TMEM132D: variants seen among roughly 807,000 people sequenced by gnomAD.
The protein encoded by TMEM132D is transmembrane protein 132D.
A neutral mutation model predicts 62.3 loss-of-function variants in TMEM132D; 21 were observed. The observed-to-expected ratio is 0.34, with a 90% CI of 0.24 to 0.49. The LOEUF (loss-of-function observed/expected upper bound fraction) is 0.49. Ranked by LOEUF, TMEM132D falls within the 20% of genes least tolerant of loss-of-function variation. The pLI, the probability that TMEM132D is intolerant of heterozygous loss-of-function variation, is 0.99. For missense variants in TMEM132D, 1,346 were observed against 1,402.8 expected, an observed-to-expected ratio of 0.96 and a Z score of 0.65; for synonymous variants, 621 against 575.6, an observed-to-expected ratio of 1.08 and a Z score of -1.13.
At chr12:129,244,385 CAA>C (rs751155633) in intron 4 of TMEM132D, among the ~76,000 whole-genome samples, 24 of 85,230 alleles carry the variant, frequency 2.8e-4, no homozygotes, top group South Asian at 8.7e-4. Context: ...GACTCTGTCT[CAA>C]AAAAAAAAAA....
intron 5 of TMEM132D, among the ~76,000 whole-genome samples, chr12:129,131,118 AT>A (rs961973141): frequency 3.1e-4 from 47 of 152,300 alleles, no homozygotes; most frequent in African/African-American, 1.1e-3. Flanking sequence ...ACTAATGAAA[AT>A]CCTGAAAACC....
At chr12:129,075,732 C>A (rs1874231231) in intron 8 of TMEM132D, among the ~76,000 whole-genome samples, 1 of 152,232 alleles carries the variant, frequency 6.6e-6, no homozygotes, top group Admixed American at 6.5e-5. Flanking sequence ...TCCACCCAAC[C>A]CAACTGGAGG....
At chr12:129,824,562 G>T (rs1565998792) in intron 1 of TMEM132D, among the ~76,000 whole-genome samples, 1 of 152,072 alleles carries the variant, frequency 6.6e-6, no homozygotes, top group Admixed American at 6.5e-5. Flanking sequence ...CCCGGGATGG[G>T]ACTAGTTCCC....
intron 5 of TMEM132D, among the ~76,000 whole-genome samples, chr12:129,200,986 G>C (rs1878689845): frequency 1.3e-5 from 2 of 152,172 alleles, no homozygotes. Flanking sequence ...AATGTGTCAA[G>C]CTTTATACAC....
chr12:129,588,215 C>T (rs1267212435), intron 2 of TMEM132D, among the ~76,000 whole-genome samples: 3 of 152,200 alleles, frequency 2.0e-5, no homozygotes, highest in Non-Finnish European at 4.4e-5. Flanking sequence ...TTCAAAGTTC[C>T]TTTCACTACC....
Position 129,758,469 on chromosome 12 carries a change from T to C in TMEM132D, c.80-57771A>G, listed in dbSNP as rs558392082. 1.3e-4 allele frequency among the ~76,000 whole-genome samples: 20 copies of C among 152,346 alleles called. No individual in the cohort carries two copies. The East Asian group carries it at 1.3e-3, about 10-fold the overall frequency. ...ATTATTAATGTGAACCCTTCTAGCA[T>C]GTTGTCTGTTGTTTTCAACACAAGA... On this transcript the variant is annotated intron_variant, in intron 1 of 8. Coordinates refer to ENST00000422113, the MANE Select transcript of TMEM132D (RefSeq NM_133448.3).
intron 2 of TMEM132D, among the ~76,000 whole-genome samples, chr12:129,548,825 T>C (rs1876811793): frequency 6.6e-6 from 1 of 152,212 alleles, no homozygotes; most frequent in African/African-American, 2.4e-5. Context: ...GAAAGCACAT[T>C]TAAGTATTTC....
At chr12:129,431,087 A>C (rs1424225828) in intron 3 of TMEM132D, among the ~76,000 whole-genome samples, 49 of 152,302 alleles carry the variant, frequency 3.2e-4, no homozygotes. Context: ...CCAGGAATGG[A>C]GAAGAGAGCG....
At chr12:129,677,687 GACA>G (rs140811734) in intron 2 of TMEM132D, among the ~76,000 whole-genome samples, 2,351 of 152,130 alleles carry the variant, frequency 0.015, 70 homozygotes, top group African/African-American at 0.054. Context: ...CAGTTTAAAG[GACA>G]ACAATAAACA....
intron 4 of TMEM132D, among the ~76,000 whole-genome samples, chr12:129,314,050 T>C (rs1406876194): frequency 6.6e-6 from 1 of 152,218 alleles, no homozygotes; most frequent in Non-Finnish European, 1.5e-5. Flanking sequence ...CACTTTTTAA[T>C]GGGATTTTTT....
chr12:129,142,631 C>T (rs557487132), intron 5 of TMEM132D, among the ~76,000 whole-genome samples: 4 of 152,158 alleles, frequency 2.6e-5, no homozygotes, highest in South Asian at 2.1e-4. Context: ...TTATTTGTTG[C>T]GTGACTAACA....
intron 5 of TMEM132D, among the ~76,000 whole-genome samples, chr12:129,152,076 C>T (rs1287798924): frequency 6.6e-6 from 1 of 152,138 alleles, no homozygotes; most frequent in African/African-American, 2.4e-5. Context: ...TGGGGTTTCA[C>T]CATGTTGGCC....
At chr12:129,287,698 T>C (rs1226422619) in intron 4 of TMEM132D, among the ~76,000 whole-genome samples, 1 of 151,566 alleles carries the variant, frequency 6.6e-6, no homozygotes, top group Admixed American at 6.6e-5. Flanking sequence ...TTTGATCTGA[T>C]GCTCCGAGAA....
chr12:129,708,932 T>C (rs1257089292), intron 1 of TMEM132D, among the ~76,000 whole-genome samples: 1 of 152,114 alleles, frequency 6.6e-6, no homozygotes, highest in Non-Finnish European at 1.5e-5. Context: ...GTCCTAACCA[T>C]GCAGATTAGA....
At chr12:129,621,133 C>T (rs1242858072) in intron 2 of TMEM132D, among the ~76,000 whole-genome samples, 1 of 152,076 alleles carries the variant, frequency 6.6e-6, no homozygotes. Flanking sequence ...CCTCTGACCA[C>T]CATCCCCCAT....
At chr12:129,518,305 T>C (rs985412169) in intron 3 of TMEM132D, among the ~76,000 whole-genome samples, 2 of 152,172 alleles carry the variant, frequency 1.3e-5, no homozygotes, top group East Asian at 1.9e-4. Context: ...AATGAAAGAA[T>C]GAGACTCTAA....
intron 1 of TMEM132D, among the ~76,000 whole-genome samples, chr12:129,718,621 T>A (rs983773784): frequency 6.6e-6 from 1 of 152,194 alleles, no homozygotes; most frequent in Non-Finnish European, 1.5e-5. Flanking sequence ...TTTGCAAATG[T>A]CAGACACTTT....
At chr12:129,540,624 T>G (rs11060419) in intron 2 of TMEM132D, among the ~76,000 whole-genome samples, 36,421 of 151,746 alleles carry the variant, frequency 0.24, 4,516 homozygotes, top group East Asian at 0.4. Context: ...TAGCTGGGAT[T>G]ACAGGTGTGT....
intron 4 of TMEM132D, among the ~76,000 whole-genome samples, chr12:129,301,339 A>T (rs1161310731): frequency 6.6e-6 from 1 of 152,078 alleles, no homozygotes; most frequent in Non-Finnish European, 1.5e-5. Flanking sequence ...CACACACCTT[A>T]TGAGCTATGG....
Sources: allele counts gnomAD v4.1 joint callset (sites outside exome capture counted in the v4.1 genomes callset), GRCh38; gene constraint gnomAD v4.1.1; transcripts MANE v1.5; gene names NCBI Gene and HGNC (gene_info 2026-07-23, HGNC 2026-07-21).